Variants in SNX10 observed in about 807,000 individuals in gnomAD.
SNX10 encodes the protein sorting nexin-10.
SNX10 carries 25 observed loss-of-function variants against 28.5 expected under a neutral mutation model. The ratio of observed to expected loss-of-function variants is 0.88; its 90% CI spans 0.64 to 1.22. The LOEUF (loss-of-function observed/expected upper bound fraction) is 1.22. SNX10 is among the 50% of genes most tolerant of loss of function. The pLI is 0.00. For synonymous variants in SNX10, 62 were observed against 81.4 expected (o/e 0.76, Z 1.28); for missense variants, 223 against 242.6 (o/e 0.92, Z 0.54).
intron 1 of SNX10, among the ~76,000 whole-genome samples, chr7:26,299,878 A>G (rs1335587557): frequency 6.6e-6 from 1 of 152,068 alleles, no homozygotes; most frequent in Non-Finnish European, 1.5e-5. Flanking sequence ...CCTGGGCAAC[A>G]TAGTGAGACC....
Position 26,371,825 on chromosome 7 carries a change from C to A in SNX10, c.316C>A (p.Leu106Ile). Residue 106 changes from leucine (L) to isoleucine (I), a missense_variant, in exon 6 of 7, where the codon CTA becomes ATA. Transcript: ENST00000338523. ...TTCCTTTTTTTTTTAATATAGAGTCCTACAGAATGCACTTTTGCTTTCAGA... is the reference window on the plus strand; with the variant it reads ...TTCCTTTTTTTTTTAATATAGAGTCATACAGAATGCACTTTTGCTTTCAGA... ...QGLEDFLRKVLQNALLLSDSS... is the reference protein window; with the variant it reads ...QGLEDFLRKVIQNALLLSDSS... 1 of 1,609,122 alleles carries A rather than the reference C, an allele frequency of 6.2e-7. No homozygotes were observed. The highest frequency in any genetic ancestry group is 8.5e-7 in the Non-Finnish European group (1 of 1,176,200).
chr7:26,295,169 A>C (rs1786062443), intron 1 of SNX10, among the ~76,000 whole-genome samples: 1 of 152,116 alleles, frequency 6.6e-6, no homozygotes, highest in Admixed American at 6.6e-5. Context: ...GGGGACAGGG[A>C]AATAGTCTTT....
chr7:26,355,470 C>G (rs1402696710), intron 2 of SNX10, among the ~76,000 whole-genome samples: 1 of 152,194 alleles, frequency 6.6e-6, no homozygotes, highest in East Asian at 1.9e-4. Flanking sequence ...TGTGTCTCTG[C>G]TTTGATTCCT....
chr7:26,349,902 C>T (rs1345955162), intron 2 of SNX10, among the ~76,000 whole-genome samples: 1 of 152,228 alleles, frequency 6.6e-6, no homozygotes, highest in Non-Finnish European at 1.5e-5. Context: ...GCTCCAGCTG[C>T]ACACAGTCCC....
At chr7:26,369,619 T>G (rs1026904436) in intron 5 of SNX10, among the ~76,000 whole-genome samples, 2 of 152,190 alleles carry the variant, frequency 1.3e-5, no homozygotes, top group Non-Finnish European at 2.9e-5. Flanking sequence ...ACTCTAGGCC[T>G]GGGGGAGTGT....
intron 2 of SNX10, among the ~76,000 whole-genome samples, chr7:26,351,666 T>G (rs1370344493): frequency 6.9e-6 from 1 of 144,404 alleles, no homozygotes; most frequent in African/African-American, 2.5e-5. Flanking sequence ...TTTGTTTTTT[T>G]TTTTTTTTGA....
intron 5 of SNX10, chr7:26,370,662 T>C (rs1789485797): frequency 6.6e-6 from 1 of 152,242 alleles, no homozygotes; most frequent in African/African-American, 2.4e-5. Context: ...TTCACTAAAT[T>C]GATATTAATG....
Position 26,373,953 on chromosome 7 carries a change from ATTTCT to A in SNX10, c.*1384_*1388del, listed in dbSNP as rs1401924798. The A allele has an allele frequency of 1.5e-4, 23 of 152,016 alleles. No homozygotes were observed. The highest frequency in any genetic ancestry group is 5.5e-4 in the African/African-American group (23 of 41,442). 9.4% of individuals were successfully genotyped at this position (152,016 alleles called of 1,614,324 possible). A position where few individuals can be genotyped will look rare whatever the true frequency, so the allele number is the denominator to read the frequency against. On this transcript the variant is annotated 3_prime_UTR_variant, in exon 7 of 7. Coordinates refer to ENST00000338523, the MANE Select transcript of SNX10 (RefSeq NM_013322.3). This position sits in a 1 kb window ranked among gnomAD's most constrained non-coding sequence, Gnocchi z 4.2. ...AAAAATTAAATTTAGAATAAGAATG[ATTTCT>A]TTAATTTGTCCTTTTTTTCTTTGGT... is the stretch of plus-strand genomic sequence containing the variant.
chr7:26,338,631 C>T (rs1030618641), intron 1 of SNX10, among the ~76,000 whole-genome samples: 2 of 152,150 alleles, frequency 1.3e-5, no homozygotes, highest in African/African-American at 4.8e-5. Flanking sequence ...GTCTCGATCT[C>T]CTGACCTCGT....
chr7:26,362,735 T>C (rs1201139392), intron 3 of SNX10, among the ~76,000 whole-genome samples: 1 of 152,198 alleles, frequency 6.6e-6, no homozygotes, highest in Non-Finnish European at 1.5e-5. Flanking sequence ...AAGCTGGTCT[T>C]TAACTTGTTT....
At chr7:26,322,974 A>G (rs1376608381) in intron 1 of SNX10, among the ~76,000 whole-genome samples, 2 of 152,204 alleles carry the variant, frequency 1.3e-5, no homozygotes, top group Non-Finnish European at 2.9e-5. Flanking sequence ...TGGACCGGGT[A>G]CGGTGGCTCA....
chr7:26,350,410 G>A (rs868264884), intron 2 of SNX10, among the ~76,000 whole-genome samples: 15 of 152,134 alleles, frequency 9.9e-5, no homozygotes, highest in Non-Finnish European at 1.9e-4. Flanking sequence ...AGCCCCTAAG[G>A]TTAATATTAA....
At chr7:26,336,938 A>AT (rs973364904) in intron 1 of SNX10, among the ~76,000 whole-genome samples, 2 of 152,132 alleles carry the variant, frequency 1.3e-5, no homozygotes, top group Non-Finnish European at 1.5e-5. Flanking sequence ...TAGCACTGAT[A>AT]TTTTTTTAGA....
At chr7:26,348,881 C>T (rs960730068) in intron 2 of SNX10, among the ~76,000 whole-genome samples, 7 of 152,242 alleles carry the variant, frequency 4.6e-5, no homozygotes, top group African/African-American at 1.7e-4. Flanking sequence ...ATCTCTTCCC[C>T]TAGCCTTTGT....
intron 1 of SNX10, among the ~76,000 whole-genome samples, chr7:26,294,800 C>T (rs1363551404): frequency 6.6e-6 from 1 of 152,130 alleles, no homozygotes; most frequent in African/African-American, 2.4e-5. Context: ...GTTTTTCTCC[C>T]CTTCTTCTTT....
At chr7:26,307,535 C>T (rs563020369) in intron 1 of SNX10, among the ~76,000 whole-genome samples, 1 of 152,296 alleles carries the variant, frequency 6.6e-6, no homozygotes, top group East Asian at 1.9e-4. Context: ...GCAACCTCTG[C>T]CTCCCAGGCT....
chr7:26,330,829 G>A (rs761823874), intron 1 of SNX10, among the ~76,000 whole-genome samples: 2 of 152,086 alleles, frequency 1.3e-5, no homozygotes, highest in East Asian at 1.9e-4. Context: ...AGACCAGGCC[G>A]GGCAACATAG....
intron 1 of SNX10, among the ~76,000 whole-genome samples, chr7:26,333,993 T>C (rs1311587736): frequency 6.6e-6 from 1 of 152,206 alleles, no homozygotes; most frequent in Non-Finnish European, 1.5e-5. Flanking sequence ...TTAACACTAA[T>C]ATTTAAATCA....
intron 3 of SNX10, 33 bp downstream of exon 3, chr7:26,361,094 G>T: frequency 6.4e-7 from 1 of 1,558,322 alleles, no homozygotes; most frequent in South Asian, 1.2e-5. Context: ...TAGTAATTTT[G>T]AGGGACTTTT....
Sources: allele counts gnomAD v4.1 joint callset (sites outside exome capture counted in the v4.1 genomes callset), GRCh38; gene constraint gnomAD v4.1.1; non-coding constraint Gnocchi (gnomAD v3.1); transcripts MANE v1.5; gene names NCBI Gene and HGNC (gene_info 2026-07-23, HGNC 2026-07-21).